Variants in MGAT4C observed in about 807,000 individuals in gnomAD.
MGAT4C encodes alpha-1,3-mannosyl-glycoprotein 4-beta-N-acetylglucosaminyltransferase C.
A neutral mutation model predicts 40.1 loss-of-function variants in MGAT4C; 19 were observed. The ratio of observed to expected loss-of-function variants is 0.47; its 90% CI spans 0.33 to 0.70. The LOEUF (loss-of-function observed/expected upper bound fraction) is 0.70, where lower values mean the gene tolerates loss of function less well. Among genes scored for constraint, MGAT4C ranks in the 30% least tolerant of loss-of-function variants. The pLI is 0.02. For missense variants in MGAT4C, 491 were observed against 563.2 expected (o/e 0.87, Z 1.30); for synonymous variants, 181 against 187.1 (o/e 0.97, Z 0.27).
chr12:86,441,676 C>T (rs1420477531), intron 2 of MGAT4C, among the ~76,000 whole-genome samples: 1 of 152,004 alleles, frequency 6.6e-6, no homozygotes, highest in African/African-American at 2.4e-5. Flanking sequence ...AGGACATGAA[C>T]TCATCTTTTT....
chr12:86,229,728 ACTT>A (rs1951238368), intron 1 of MGAT4C, among the ~76,000 whole-genome samples: 1 of 152,000 alleles, frequency 6.6e-6, no homozygotes, highest in South Asian at 2.1e-4. Context: ...AATGGAATAA[ACTT>A]CTGTCAGGGA....
chr12:86,013,819 A>G, intron 2 of MGAT4C: 3 of 858,726 alleles, frequency 3.5e-6, no homozygotes, highest in South Asian at 1.1e-4. Context: ...ACTCCCATAA[A>G]TATTATCATT....
At chr12:86,457,988 A>G (rs1957537600) in intron 2 of MGAT4C, among the ~76,000 whole-genome samples, 1 of 152,062 alleles carries the variant, frequency 6.6e-6, no homozygotes, top group Non-Finnish European at 1.5e-5. Context: ...ACTCAAGATT[A>G]AAAGTCAGAG....
At chr12:86,550,147 T>C (rs1414606946) in intron 2 of MGAT4C, among the ~76,000 whole-genome samples, 1 of 152,154 alleles carries the variant, frequency 6.6e-6, no homozygotes, top group Non-Finnish European at 1.5e-5. Context: ...CGTGAAGAAA[T>C]AGGTACTTGT....
rs1957059121 is a variant in MGAT4C at position 86,432,446 on chromosome 12, G to A, written c.-120+2711C>T. Among the ~76,000 whole-genome samples, 5 of 152,010 alleles carry A rather than the reference G, an allele frequency of 3.3e-5. 1 individual carries two copies. The highest frequency in any genetic ancestry group is 2.6e-4 in the Admixed American group (4 of 15,244). ...GGAACAATTTCATGGAGAAAATAGA[G>A]CTAAATATTAGGAATAAAAATATTT... On this transcript the variant is annotated intron_variant, in intron 3 of 7. Transcript: ENST00000548651.
intron 1 of MGAT4C, among the ~76,000 whole-genome samples, chr12:86,255,339 A>G (rs528764150): frequency 2.6e-5 from 4 of 152,238 alleles, no homozygotes; most frequent in Non-Finnish European, 4.4e-5. Context: ...TTCATTTGTT[A>G]TCATGTGAAC....
At chr12:86,455,993 T>C (rs116165290) in intron 2 of MGAT4C, among the ~76,000 whole-genome samples, 235 of 152,270 alleles carry the variant, frequency 1.5e-3, no homozygotes, top group African/African-American at 5.2e-3. Context: ...ACATCTACTA[T>C]TAAGCACTAG....
At chr12:86,513,064 T>C (rs1273416291) in intron 2 of MGAT4C, among the ~76,000 whole-genome samples, 1 of 152,116 alleles carries the variant, frequency 6.6e-6, no homozygotes, top group Non-Finnish European at 1.5e-5. Flanking sequence ...CAGCAGAATA[T>C]TAACTTGAGA....
At chr12:86,586,105 C>G (rs1469548329) in intron 2 of MGAT4C, among the ~76,000 whole-genome samples, 1 of 113,474 alleles carries the variant, frequency 8.8e-6, no homozygotes, top group Non-Finnish European at 1.8e-5. Context: ...CCCCCCTCCC[C>G]CCACCCCACA....
At chr12:86,772,713 C>T (rs1331506147) in intron 1 of MGAT4C, among the ~76,000 whole-genome samples, 1 of 152,148 alleles carries the variant, frequency 6.6e-6, no homozygotes, top group Non-Finnish European at 1.5e-5. Flanking sequence ...ATAGAATTTT[C>T]CCTACTAGCT....
chr12:86,367,271 A>G (rs748751611), intron 3 of MGAT4C, among the ~76,000 whole-genome samples: 75 of 152,136 alleles, frequency 4.9e-4, no homozygotes, highest in Non-Finnish European at 8.4e-4. Context: ...GTAACTGCCA[A>G]ACTTCACCCT....
intron 2 of MGAT4C, among the ~76,000 whole-genome samples, chr12:86,440,115 C>T (rs1957201512): frequency 6.6e-6 from 1 of 152,112 alleles, no homozygotes; most frequent in Non-Finnish European, 1.5e-5. Context: ...ATATTCCTAA[C>T]TCATTCTATG....
rs1006848435 is a variant in MGAT4C, at chr12:86,763,483, T to A, written c.-261-36242A>T. Among the ~76,000 whole-genome samples, 2 of 152,240 alleles carry A rather than the reference T, an allele frequency of 1.3e-5. 1 individual carries two copies. Among genetic ancestry groups the A allele is most frequent in the South Asian group, 4.1e-4 (2 of 4,836 alleles). ...TTTTAATTAGTTTTCTTCATTTATA[T>A]TATGTACTCAATTTATAAACAACTA... On this transcript the variant is annotated intron_variant, in intron 1 of 7. Coordinates refer to the MGAT4C transcript ENST00000548651.
At chr12:86,673,219 T>C (rs1417530516) in intron 2 of MGAT4C, among the ~76,000 whole-genome samples, 1 of 152,220 alleles carries the variant, frequency 6.6e-6, no homozygotes, top group African/African-American at 2.4e-5. Context: ...TATTTATTAC[T>C]GTATAATTTT....
chr12:86,103,318 T>C (rs751068211), intron 1 of MGAT4C, among the ~76,000 whole-genome samples: 2 of 152,168 alleles, frequency 1.3e-5, no homozygotes, highest in African/African-American at 4.8e-5. Context: ...AAGGGAATTA[T>C]CCAGTGGCCC....
At chr12:86,595,198 G>C (rs574455602) in intron 2 of MGAT4C, among the ~76,000 whole-genome samples, 2 of 152,216 alleles carry the variant, frequency 1.3e-5, no homozygotes, top group East Asian at 3.9e-4. Flanking sequence ...TACTCTTTAA[G>C]TAGCAAGGTT....
At chr12:86,721,058 T>C (rs1335546577) in intron 2 of MGAT4C, among the ~76,000 whole-genome samples, 1 of 152,096 alleles carries the variant, frequency 6.6e-6, no homozygotes, top group African/African-American at 2.4e-5. Flanking sequence ...AAGAATCTCA[T>C]ATGTGTTTGC....
intron 2 of MGAT4C, among the ~76,000 whole-genome samples, chr12:85,995,863 C>T (rs565053244): frequency 5.6e-4 from 86 of 152,278 alleles, no homozygotes; most frequent in Non-Finnish European, 9.7e-4. Flanking sequence ...CAGAATAACA[C>T]CCTGTCTCAA....
At chr12:86,010,720 C>T (rs914364276) in intron 2 of MGAT4C, among the ~76,000 whole-genome samples, 1 of 151,980 alleles carries the variant, frequency 6.6e-6, no homozygotes, top group African/African-American at 2.4e-5. Flanking sequence ...ACACAAAACC[C>T]ATGTTGAAAG....
Sources: gnomAD v4.1 joint callset for allele counts (sites outside exome capture counted in the v4.1 genomes callset) on GRCh38, gnomAD v4.1.1 for gene constraint, MANE v1.5 for transcripts, NCBI Gene and HGNC (gene_info 2026-07-23, HGNC 2026-07-21) for gene names.